The following DDX60 variants were observed in gnomAD, a reference collection of about 807,000 sequenced individuals.
DDX60 encodes DExD/H-box helicase 60.
Under a neutral mutation model 212.8 loss-of-function variants are expected in DDX60, and 165 were observed. That is an observed-to-expected ratio of 0.78 (90% CI 0.68 to 0.88). The LOEUF (loss-of-function observed/expected upper bound fraction) is 0.88. DDX60 is among the 40% of genes least tolerant of loss of function. The pLI is 0.00. For missense variants in DDX60, 1,905 were observed against 2,003.9 expected (o/e 0.95, Z 0.94); for synonymous variants, 703 against 685.3 (o/e 1.03, Z -0.40).
rs929330088 is a variant in DDX60 at position 168,277,248 on chromosome 4, G to A, written c.1979-1067C>T. Among the ~76,000 whole-genome samples, 11 of 152,266 alleles carry A rather than the reference G, an allele frequency of 7.2e-5. No individual in the cohort carries two copies. The East Asian group carries it at 1.4e-3, about 19-fold the overall frequency. On this transcript the variant is annotated intron_variant, in intron 14 of 37. Coordinates refer to ENST00000393743, the MANE Select transcript of DDX60 (RefSeq NM_017631.6). ...CACAGCAGCTTTGGAAGAACTCAGC[G>A]TGCCAGGGAAGCATGAATACAGTGT...
intron 25 of DDX60, among the ~76,000 whole-genome samples, chr4:168,257,846 C>T (rs1489856573): frequency 6.6e-6 from 1 of 152,162 alleles, no homozygotes; most frequent in Non-Finnish European, 1.5e-5. Context: ...TAAAAGGAAG[C>T]TTGTACTGGC....
intron 30 of DDX60, among the ~76,000 whole-genome samples, chr4:168,238,330 C>T (rs1385738458): frequency 1.4e-5 from 2 of 139,898 alleles, no homozygotes; most frequent in East Asian, 4.3e-4. Context: ...GAAAGAATCT[C>T]TACTTACTAT....
Position 168,293,889 on chromosome 4 carries a change from C to G in DDX60, c.780G>C (p.Arg260=). 1 of 1,613,952 alleles carries G rather than the reference C, an allele frequency of 6.2e-7. No homozygotes were observed. The highest frequency in any genetic ancestry group is 8.5e-7 in the Non-Finnish European group (1 of 1,179,958). The change falls in exon 7 of 38, where the codon CGG becomes CGC. Residue 260 remains arginine, a synonymous_variant. Transcript: ENST00000393743. ...TQVWPEGSDI[R]RVFCVTSCSL... ...AGCATGAAGTAACACAAAAGACACG[C>G]CGAATGTCAGATCCTTCTGGCCAGA...
Position 168,280,441 on chromosome 4 carries a change from T to A in DDX60, c.1872A>T (p.Glu624Asp). Reference sequence around the variant, plus strand: ...TACTTTTACAGGATTTCAAAAAATCTTCCAGGCTCTTTATTCCAGAGTGTA... The same window carrying A: ...TACTTTTACAGGATTTCAAAAAATCATCCAGGCTCTTTATTCCAGAGTGTA... The part of the protein sequence containing the change: ...ENLHSGIKSL[E>D]DFLKSCKSSC... The change falls in exon 14 of 38, where the codon GAA becomes GAT. Residue 624 changes from glutamate (E) to aspartate (D), a missense_variant. By Grantham distance (45) the Glu-to-Asp change is conservative (BLOSUM62 2). Transcript: ENST00000393743. 1.9e-6 allele frequency: 3 copies of A among 1,614,208 alleles called. No individual in the cohort carries two copies. The highest frequency in any genetic ancestry group is 2.5e-6 in the Non-Finnish European group (3 of 1,180,026).
Position 168,276,126 on chromosome 4 carries a change from G to T in DDX60, c.2034C>A (p.Ser678=). ...IAVQVMKRIH[S]LMEKYSELLQ... ...AAAGTTCTGAGTATTTTTCCATCAA[G>T]GAGTGGATCCTTTTCATCACCTGAA... The change falls in exon 15 of 38, where the codon TCC becomes TCA. Residue 678 remains serine (S), a synonymous_variant. Transcript: ENST00000393743. 6.2e-7 allele frequency: 1 copy of T among 1,613,340 alleles called. No individual in the cohort carries two copies. Among genetic ancestry groups the T allele is most frequent in the African/African-American group, 1.3e-5 (1 of 74,974 alleles).
intron 1 of DDX60, among the ~76,000 whole-genome samples, chr4:168,317,863 A>T (rs183888740): frequency 7.9e-5 from 12 of 152,314 alleles, no homozygotes; most frequent in African/African-American, 2.6e-4. Context: ...GCCAACAGCC[A>T]GCAAGAAAGC....
intron 37 of DDX60, among the ~76,000 whole-genome samples, chr4:168,218,344 A>C (rs956155655): frequency 2.6e-5 from 4 of 152,094 alleles, no homozygotes; most frequent in Non-Finnish European, 5.9e-5. Context: ...CTTGTTTCCT[A>C]TACATCCTTA....
intron 1 of DDX60, among the ~76,000 whole-genome samples, chr4:168,312,706 T>C (rs1021548981): frequency 1.3e-5 from 1 of 78,924 alleles, no homozygotes; most frequent in Non-Finnish European, 2.5e-5. Flanking sequence ...TTGATATAGA[T>C]AGATATAGAT....
At chr4:168,237,568 A>G (rs1228670693) in intron 31 of DDX60, 123 bp downstream of exon 31, 5 of 1,127,032 alleles carry the variant, frequency 4.4e-6, no homozygotes, top group South Asian at 3.7e-5. Context: ...TTATAATTAT[A>G]CCATTTATAA....
chr4:168,309,193 C>T (rs563378406), intron 3 of DDX60, among the ~76,000 whole-genome samples: 2 of 152,252 alleles, frequency 1.3e-5, no homozygotes, highest in South Asian at 4.2e-4. Flanking sequence ...AAAAAGTGAT[C>T]TCTCATGGTT....
In DDX60 at chr4:168,285,896, A is replaced by AAAGGAAGGAAGGAAGGAAGG. The variant is rs368802134; in HGVS notation, c.1340-418_1340-399dup. ...GGGAAGAAGAAAGGAAGGAGGGAAG[A>AAAGGAAGGAAGGAAGGAAGG]AAGGAAGGAAGGAAGGAAGGAAGGA... On this transcript the variant is annotated intron_variant, in intron 10 of 37. Coordinates refer to ENST00000393743, the MANE Select transcript of DDX60 (RefSeq NM_017631.6). Among the ~76,000 whole-genome samples, 234 of 114,758 alleles carry AAAGGAAGGAAGGAAGGAAGG rather than the reference A, an allele frequency of 2.0e-3. 1 individual carries two copies. The highest frequency in any genetic ancestry group is 7.0e-3 in the African/African-American group (198 of 28,384). The allele number at this position is 114,758 out of a possible 152,430, so 75.3% of individuals were successfully genotyped here. A position where few individuals can be genotyped will look rare whatever the true frequency, so the allele number is the denominator to read the frequency against.
intron 30 of DDX60, among the ~76,000 whole-genome samples, chr4:168,239,797 T>C (rs541720435): frequency 3.3e-5 from 5 of 152,150 alleles, no homozygotes; most frequent in African/African-American, 9.6e-5. Flanking sequence ...GCTGGTAAGA[T>C]ATCATATTCT....
chr4:168,300,259 C>T (rs536310086), intron 6 of DDX60, among the ~76,000 whole-genome samples: 45 of 152,034 alleles, frequency 3.0e-4, no homozygotes, highest in Non-Finnish European at 5.1e-4. Context: ...ATAGAAGCTA[C>T]GGCTGGGTGC....
intron 17 of DDX60, 30 bp downstream of exon 17, chr4:168,273,904 A>G: frequency 6.3e-7 from 1 of 1,593,828 alleles, no homozygotes; most frequent in Non-Finnish European, 8.6e-7. Flanking sequence ...TCAGGAATGA[A>G]AGAGAATATT....
chr4:168,218,908 C>A (rs1732945933), intron 37 of DDX60, among the ~76,000 whole-genome samples: 2 of 152,162 alleles, frequency 1.3e-5, no homozygotes, highest in Admixed American at 1.3e-4. Flanking sequence ...CATCATAGCT[C>A]TGACCATGTT....
chr4:168,307,419 A>C (rs1268373979), intron 4 of DDX60, among the ~76,000 whole-genome samples: 4 of 152,198 alleles, frequency 2.6e-5, no homozygotes, highest in African/African-American at 9.7e-5. Flanking sequence ...TATTTTGGAA[A>C]TACCTCAAAC....
intron 6 of DDX60, among the ~76,000 whole-genome samples, chr4:168,296,874 CTTTT>C (rs35177897): frequency 4.5e-5 from 6 of 134,782 alleles, no homozygotes; most frequent in Admixed American, 7.5e-5. Context: ...AAAAAGTGAT[CTTTT>C]TTTTTTTTTT....
At position 168,268,885 on chromosome 4, in the gene DDX60, C is replaced by A; in HGVS notation, c.2755G>T (p.Ala919Ser). Residue 919 changes from alanine (A) to serine (S), a missense_variant, in exon 20 of 38, where the codon GCT (alanine) becomes TCT (serine). Transcript: ENST00000393743. ...AGATGTTCAGGATTACTTATGGTAG[C>A]TGAAAGAGCCAAAAAGGGACATCGG... ...MIRCPFLALSATISNPEHLTE... is the reference protein window; with the variant it reads ...MIRCPFLALSSTISNPEHLTE... The A allele has an allele frequency of 6.3e-7, 1 of 1,592,872 alleles. No individual in the cohort carries two copies. Among genetic ancestry groups the A allele is most frequent in the Non-Finnish European group, 8.6e-7 (1 of 1,167,148 alleles).
At chr4:168,236,003 A>G (rs1053161872) in intron 33 of DDX60, 3 of 376,150 alleles carry the variant, frequency 8.0e-6, no homozygotes, top group Non-Finnish European at 1.4e-5. Context: ...ATTTGATACA[A>G]TCAAATGAAA....
Sources: gnomAD v4.1 joint callset for allele counts (sites outside exome capture counted in the v4.1 genomes callset) on GRCh38, gnomAD v4.1.1 for gene constraint, MANE v1.5 for transcripts, NCBI Gene and HGNC (gene_info 2026-07-23, HGNC 2026-07-21) for gene names.